CCDC30: variants seen among roughly 807,000 people sequenced by gnomAD.
The protein encoded by CCDC30 is coiled-coil domain containing 30.
In CCDC30, 70 loss-of-function variants were observed where a neutral mutation model predicts 100.2. The observed-to-expected ratio is 0.70, with a 90% CI of 0.58 to 0.85. The LOEUF (loss-of-function observed/expected upper bound fraction) is 0.85, where lower values mean the gene tolerates loss of function less well. CCDC30 is among the 40% of genes least tolerant of loss of function. The pLI is 0.00. For missense variants in CCDC30, 652 were observed against 771.2 expected (o/e 0.85, Z 1.83); for synonymous variants, 233 against 269.5 (o/e 0.86, Z 1.33).
At chr1:42,652,457 G>A (rs917763571) in intron 15 of CCDC30, among the ~76,000 whole-genome samples, 3 of 152,026 alleles carry the variant, frequency 2.0e-5, no homozygotes, top group African/African-American at 4.8e-5. Flanking sequence ...TTTGTACACC[G>A]TAAGTATAGG....
At position 42,617,276 on chromosome 1, in the gene CCDC30, C is replaced by CA. The variant is rs1318600404; in HGVS notation, c.1277+6195dup. 3.3e-5 allele frequency among the ~76,000 whole-genome samples: 5 copies of CA among 151,462 alleles called. No homozygotes were observed. In the South Asian group the frequency reaches 6.3e-4, roughly 19 times the overall value. Reference sequence around the variant, plus strand: ...GAACGAAGTGAGATCTCGTCTCTACCAAAAAAAAATTTTTTTAAGGAATAA... The same window carrying CA: ...GAACGAAGTGAGATCTCGTCTCTACCAAAAAAAAAATTTTTTTAAGGAATAA... On this transcript the variant is annotated intron_variant, in intron 11 of 16. Transcript: ENST00000668663.
chr1:42,595,775 T>C (rs971138879), intron 10 of CCDC30, among the ~76,000 whole-genome samples: 1 of 152,142 alleles, frequency 6.6e-6, no homozygotes, highest in Non-Finnish European at 1.5e-5. Flanking sequence ...TGGATTAGCC[T>C]TAGTGACTCC....
At chr1:42,545,915 G>A (rs1645120956) in intron 6 of CCDC30, among the ~76,000 whole-genome samples, 1 of 151,386 alleles carries the variant, frequency 6.6e-6, no homozygotes, top group Non-Finnish European at 1.5e-5. Flanking sequence ...CTGCACTGCA[G>A]CCTGGGCAAC....
At chr1:42,518,159 T>C (rs1644584044) in intron 6 of CCDC30, among the ~76,000 whole-genome samples, 1 of 152,186 alleles carries the variant, frequency 6.6e-6, no homozygotes, top group Non-Finnish European at 1.5e-5. Context: ...TTTTCTATCT[T>C]TTATTGTACA....
intron 6 of CCDC30, among the ~76,000 whole-genome samples, chr1:42,555,881 G>A (rs1163154446): frequency 6.6e-6 from 1 of 152,002 alleles, no homozygotes; most frequent in Non-Finnish European, 1.5e-5. Flanking sequence ...GTAGAGACGG[G>A]GTTTCACCAT....
chr1:42,593,155 C>A (rs986515317), intron 10 of CCDC30: 2 of 152,224 alleles, frequency 1.3e-5, no homozygotes, highest in Non-Finnish European at 2.9e-5. Flanking sequence ...ATACTGCCCC[C>A]ATTCGAGATG....
chr1:42,556,262 G>T lies in CCDC30; in HGVS notation c.457-10034G>T, dbSNP rs867237769. 1.2e-6 allele frequency: 2 copies of T among 1,613,912 alleles called. No individual in the cohort carries two copies. The highest frequency in any genetic ancestry group is 2.7e-5 in the African/African-American group (2 of 74,900). ...GGAGGAGGGCTCACAACAGAATCGA[G>T]ATATGAAAGATGAAGAAAAAGAACA... On this transcript the variant is annotated intron_variant, in intron 6 of 16. Transcript: ENST00000668663.
upstream of CCDC30, among the ~76,000 whole-genome samples, chr1:42,461,082 G>A (rs1245638372): frequency 6.6e-6 from 1 of 152,202 alleles, no homozygotes; most frequent in Non-Finnish European, 1.5e-5. Context: ...TGAAAAATTA[G>A]CATTGATGAC....
chr1:42,507,433 G>A (rs1031287346), intron 6 of CCDC30, among the ~76,000 whole-genome samples: 6 of 152,046 alleles, frequency 3.9e-5, no homozygotes, highest in Middle Eastern at 3.2e-3. Flanking sequence ...TTTACACATG[G>A]GATTTTTGCC....
intron 11 of CCDC30, among the ~76,000 whole-genome samples, chr1:42,612,323 A>G (rs1646641645): frequency 6.6e-6 from 1 of 152,206 alleles, no homozygotes; most frequent in Non-Finnish European, 1.5e-5. Flanking sequence ...ATAGGATATC[A>G]TATAGAAACA....
chr1:42,473,123 GA>G (rs1643823030), intron 1 of CCDC30: 2 of 1,227,910 alleles, frequency 1.6e-6, no homozygotes, highest in Non-Finnish European at 2.0e-6. Flanking sequence ...TCTATCAAGG[GA>G]AAAGTTCAGT....
In CCDC30 at chr1:42,609,775, ATCT is replaced by A. The variant is rs573254509; in HGVS notation, c.1165-1200_1165-1198del. 5.2e-3 allele frequency among the ~76,000 whole-genome samples: 788 copies of A among 152,230 alleles called. 8 individuals are homozygous for A. Among genetic ancestry groups the A allele is most frequent in the African/African-American group, 0.018 (761 of 41,542 alleles). Reference sequence around the variant, plus strand: ...GTGCCTTGGGTGAAATCAATACAGAATCTTCAAACTTAATCTCCTTAGACAGGA... The same window carrying A: ...GTGCCTTGGGTGAAATCAATACAGAATCAAACTTAATCTCCTTAGACAGGA... On this transcript the variant is annotated intron_variant, in intron 10 of 16. Coordinates refer to ENST00000668663, the Ensembl canonical transcript of CCDC30.
intron 3 of CCDC30, among the ~76,000 whole-genome samples, chr1:42,489,182 A>G (rs948052702): frequency 6.6e-6 from 1 of 152,230 alleles, no homozygotes; most frequent in Non-Finnish European, 1.5e-5. Context: ...GGCTCAGTGT[A>G]AACAGACTTA....
Position 42,653,802 on chromosome 1 carries a change from A to G in CCDC30, c.1923-16A>G. The G allele has an allele frequency of 2.5e-6, 4 of 1,596,402 alleles. No individual in the cohort carries two copies. The highest frequency in any genetic ancestry group is 3.4e-6 in the Non-Finnish European group (4 of 1,164,248). On this transcript the variant is annotated splice_polypyrimidine_tract_variant and intron_variant, in intron 16 of 16. Coordinates refer to ENST00000668663, the Ensembl canonical transcript of CCDC30. ...AACTCTATGTACATGATGTCCTCAC[A>G]TATGGCATTTCTTAGTTTTTCAGGA...
At chr1:42,652,423 C>T (rs995881977) in intron 15 of CCDC30, among the ~76,000 whole-genome samples, 3 of 152,086 alleles carry the variant, frequency 2.0e-5, no homozygotes, top group African/African-American at 4.8e-5. Context: ...TTCAATCATT[C>T]CATATTATAT....
At chr1:42,462,015 A>G (rs1027257813), upstream of CCDC30, among the ~76,000 whole-genome samples, 11 of 152,190 alleles carry the variant, frequency 7.2e-5, no homozygotes, top group African/African-American at 2.7e-4. Flanking sequence ...TGAATGTACA[A>G]TGGGGATATA....
Position 42,636,965 on chromosome 1 carries a change from CAAAAAAAAAAAAA to C in CCDC30, c.1278-257_1278-245del, listed in dbSNP as rs1166253995. ...TGGGCGACAGAGCAAGACTCCATCT[CAAAAAAAAAAAAA>C]AAAAAAAAAAAAAAGACCAAGATAA... is the stretch of plus-strand genomic sequence containing the variant. On this transcript the variant is annotated intron_variant, in intron 11 of 16. Transcript: ENST00000668663. Among the ~76,000 whole-genome samples the C allele has an allele frequency of 7.1e-4, 21 of 29,520 alleles. No individual in the cohort carries two copies. The East Asian group carries it at 8.6e-3, about 12-fold the overall frequency. The allele number at this position is 29,520 out of a possible 152,430, so 19.4% of individuals were successfully genotyped here.
rs369929545 is a variant in CCDC30 at position 42,481,562 on chromosome 1, G to A, written c.15+996G>A. On this transcript the variant is annotated intron_variant, in intron 2 of 16. Coordinates refer to ENST00000668663, the Ensembl canonical transcript of CCDC30. ...ATTGCACTCCAGCCTGGGCGACAGA[G>A]CAAAACCCTGTCTCAAAAAAAAAAA... Among the ~76,000 whole-genome samples, 52 of 113,598 alleles carry A rather than the reference G, an allele frequency of 4.6e-4. 1 individual carries two copies. In the South Asian group the frequency reaches 0.015, roughly 32 times the overall value. The allele number at this position is 113,598 out of a possible 152,430, so 74.5% of individuals were successfully genotyped here.
At chr1:42,581,565 T>A in intron 9 of CCDC30, 51 bp downstream of exon 13, 1 of 1,514,412 alleles carries the variant, frequency 6.6e-7, no homozygotes, top group Non-Finnish European at 9.0e-7. Flanking sequence ...ATGACTGAGT[T>A]AATCAGCAAT....
Sources: gnomAD v4.1 joint callset for allele counts (sites outside exome capture counted in the v4.1 genomes callset) on GRCh38, gnomAD v4.1.1 for gene constraint, MANE v1.5 for transcripts, NCBI Gene and HGNC (gene_info 2026-07-23, HGNC 2026-07-21) for gene names.